Variants in PCBP2 observed in about 807,000 individuals in gnomAD.
PCBP2 encodes the protein poly(rC) binding protein 2.
In PCBP2, 4 loss-of-function variants were observed where a neutral mutation model predicts 50.1. The ratio of observed to expected loss-of-function variants is 0.08; its 90% CI spans 0.04 to 0.18. The LOEUF is 0.18. Ranked by LOEUF, PCBP2 falls within the 10% of genes least tolerant of loss-of-function variation. The pLI, the probability that PCBP2 is intolerant of heterozygous loss-of-function variation, is 1.00. For synonymous variants in PCBP2, 179 were observed against 168.0 expected (o/e 1.07, Z -0.51); for missense variants, 161 against 474.3 (o/e 0.34, Z 6.14).
At chr12:53,467,363 T>C (rs1476206746) in intron 11 of PCBP2, 70 bp downstream of exon 11, 1 of 1,260,134 alleles carries the variant, frequency 7.9e-7, no homozygotes, top group Non-Finnish European at 1.2e-6. Context: ...AGGTCTCAGC[T>C]TGACATCTGT....
chr12:53,454,631 G>A (rs1484783551), intron 1 of PCBP2, 95 bp from the exon 2 acceptor site: 5 of 626,246 alleles, frequency 8.0e-6, no homozygotes, highest in Admixed American at 2.6e-5. Context: ...TTAAGGAAAA[G>A]TGTAAAGTAG....
At chr12:53,476,109 C>T (rs1012647458) in intron 14 of PCBP2, 1 of 152,232 alleles carries the variant, frequency 6.6e-6, no homozygotes, top group African/African-American at 2.4e-5. Context: ...AGGTATATCT[C>T]AGCCAACCCG....
At chr12:53,456,060 A>G in intron 5 of PCBP2, 59 bp downstream of exon 5, 1 of 1,043,018 alleles carries the variant, frequency 9.6e-7, no homozygotes, top group South Asian at 1.3e-5. Context: ...GAGCTTGTTG[A>G]TTTTCTAAGA....
In PCBP2 at chr12:53,464,810, G is replaced by A. The variant is rs778927182; in HGVS notation, c.630G>A (p.Pro210=). The A allele has an allele frequency of 2.5e-6, 4 of 1,611,636 alleles. No homozygotes were observed. The highest frequency in any genetic ancestry group is 2.7e-5 in the African/African-American group (2 of 74,622). ...SDSASFPHTT[P]SMCLNPDLEG... Reference sequence around the variant, plus strand: ...GTGCGAGCTTTCCCCACACCACCCCGTCCATGTGCCTCAACCCTGACCTGG... The same window carrying A: ...GTGCGAGCTTTCCCCACACCACCCCATCCATGTGCCTCAACCCTGACCTGG... The change falls in exon 9 of 15, where the codon CCG becomes CCA. Residue 210 remains proline (P), a synonymous_variant. Transcript: ENST00000546463.
intron 14 of PCBP2, among the ~76,000 whole-genome samples, chr12:53,478,872 T>A (rs1214326313): frequency 1.8e-5 from 2 of 109,064 alleles, no homozygotes; most frequent in African/African-American, 6.8e-5. Context: ...CTTTTTAACA[T>A]TTTTTTTTTT....
At chr12:53,458,813 A>G (rs974959066) in intron 5 of PCBP2, among the ~76,000 whole-genome samples, 7 of 144,582 alleles carry the variant, frequency 4.8e-5, no homozygotes, top group Non-Finnish European at 1.1e-4. Context: ...TAATTTTTGT[A>G]TTTTTAGTGG....
chr12:53,474,101 AAGC>A (rs1423390508), intron 14 of PCBP2, among the ~76,000 whole-genome samples: 1 of 152,188 alleles, frequency 6.6e-6, no homozygotes, highest in Admixed American at 6.5e-5. Context: ...TTGGGAGTGG[AAGC>A]AGCAGCATTT....
chr12:53,481,016 A>G lies in PCBP2; in HGVS notation c.*1574A>G. On this transcript the variant is annotated 3_prime_UTR_variant, in exon 15 of 15. Transcript: ENST00000546463. The stretch of plus-strand genomic sequence containing the variant: ...CATTTCCACAGCTGCCAGTGTCCCT[A>G]GAGTTTATCAGGTGAATTGGTCAGG... The G allele has an allele frequency of 4.7e-6, 1 of 211,906 alleles. No individual in the cohort carries two copies. Among genetic ancestry groups the G allele is most frequent in the East Asian group, 1.1e-4 (1 of 9,014 alleles). The allele number at this position is 211,906 out of a possible 1,614,324, so 13.1% of individuals were successfully genotyped here.
chr12:53,458,889 T>C (rs376931735), intron 5 of PCBP2, among the ~76,000 whole-genome samples: 5 of 152,118 alleles, frequency 3.3e-5, no homozygotes, highest in African/African-American at 1.2e-4. Context: ...ATTCACCTGC[T>C]TCAGCTTCCC....
At chr12:53,462,851 C>G (rs1941548430) in intron 8 of PCBP2, among the ~76,000 whole-genome samples, 2 of 152,118 alleles carry the variant, frequency 1.3e-5, no homozygotes, top group South Asian at 4.1e-4. Flanking sequence ...CTCCCTGTCC[C>G]CACCCCATCC....
Position 53,476,119 on chromosome 12 carries a change from G to A in PCBP2, c.1053-3287G>A, listed in dbSNP as rs144072107. On this transcript the variant is annotated intron_variant, in intron 14 of 14. Transcript: ENST00000546463. ...ACATTAGGTATATCTCAGCCAACCC[G>A]TGACATTATCCACAACTTGACATGA... 5.3e-5 allele frequency: 8 copies of A among 152,270 alleles called. No individual in the cohort carries two copies. In the South Asian group the frequency reaches 6.2e-4, roughly 12 times the overall value. The allele number at this position is 152,270 out of a possible 1,614,324, so 9.4% of individuals were successfully genotyped here.
At position 53,472,008 on chromosome 12, in the gene PCBP2, G is replaced by A. The variant is rs187273058; in HGVS notation, c.1052+201G>A. Among the ~76,000 whole-genome samples the A allele has an allele frequency of 1.3e-4, 20 of 149,584 alleles. 1 individual carries two copies. The highest frequency in any genetic ancestry group is 2.2e-4 in the Non-Finnish European group (15 of 67,298). ...AGTAAGTTTTCAAGGGGTTGGTGGG[G>A]GGGGGAGCACAGATTGCCCGCATTT... On this transcript the variant is annotated intron_variant, in intron 14 of 14. Coordinates refer to ENST00000546463, the MANE Select transcript of PCBP2 (RefSeq NM_031989.5).
In PCBP2 at chr12:53,470,378, CAAAAAA is replaced by C. The variant is rs754350790; in HGVS notation, c.883-1241_883-1236del. On this transcript the variant is annotated intron_variant, in intron 13 of 14. Coordinates refer to ENST00000546463, the MANE Select transcript of PCBP2 (RefSeq NM_031989.5). ...GGCAACAGACCAAGACTCCGTCTCT[CAAAAAA>C]AAAAAAAAAAAAAAAAAAGTGTAGT... Among the ~76,000 whole-genome samples the C allele has an allele frequency of 7.7e-3, 363 of 47,354 alleles. 3 individuals carry two copies. Among genetic ancestry groups the C allele is most frequent in the South Asian group, 0.015 (11 of 722 alleles). 31.1% of individuals were successfully genotyped at this position (47,354 alleles called of 152,430 possible).
chr12:53,458,420 C>G (rs1163206244), intron 5 of PCBP2, among the ~76,000 whole-genome samples: 1 of 151,468 alleles, frequency 6.6e-6, no homozygotes, highest in African/African-American at 2.4e-5. Flanking sequence ...ATTCTCCTGC[C>G]TCAGTCTCCC....
intron 6 of PCBP2, chr12:53,459,852 C>T (rs373495933): frequency 1.1e-5 from 5 of 454,274 alleles, no homozygotes; most frequent in East Asian, 1.4e-4. Flanking sequence ...ATCGACCTTC[C>T]CAGCCTCAGG....
intron 14 of PCBP2, among the ~76,000 whole-genome samples, chr12:53,474,146 G>C (rs1266000273): frequency 6.6e-6 from 1 of 152,106 alleles, no homozygotes; most frequent in Non-Finnish European, 1.5e-5. Context: ...GGTGATACTT[G>C]AGTTTCTCTT....
intron 14 of PCBP2, among the ~76,000 whole-genome samples, chr12:53,478,431 A>G (rs1474377076): frequency 1.3e-5 from 2 of 151,952 alleles, no homozygotes; most frequent in Admixed American, 6.6e-5. Flanking sequence ...TCGCTAGAAC[A>G]CGGGAGGCAG....
intron 14 of PCBP2, among the ~76,000 whole-genome samples, chr12:53,472,591 A>C (rs192667692): frequency 9.2e-5 from 14 of 152,300 alleles, no homozygotes; most frequent in Admixed American, 6.5e-4. Context: ...TGAGGCCCTT[A>C]GGTCTCTTTT....
intron 11 of PCBP2, 170 bp downstream of exon 11, chr12:53,467,463 G>A: frequency 1.6e-5 from 11 of 696,188 alleles, no homozygotes; most frequent in Non-Finnish European, 2.6e-5. Context: ...GTTTGTTAAC[G>A]TGGTTTTCAT....
Sources: allele counts gnomAD v4.1 joint callset (sites outside exome capture counted in the v4.1 genomes callset), GRCh38; gene constraint gnomAD v4.1.1; transcripts MANE v1.5; gene names NCBI Gene and HGNC (gene_info 2026-07-23, HGNC 2026-07-21).